Variants in DGKI observed in about 807,000 individuals in gnomAD.
The protein encoded by DGKI is diacylglycerol kinase iota.
Under a neutral mutation model 147.5 loss-of-function variants are expected in DGKI, and 55 were observed. The observed-to-expected ratio is 0.37, with a 90% CI of 0.30 to 0.47. The LOEUF is 0.47. Ranked by LOEUF, DGKI falls within the 20% of genes least tolerant of loss-of-function variation. The pLI is 1.00. For missense variants in DGKI, 1,007 were observed against 1,323.8 expected (o/e 0.76, Z 3.71); for synonymous variants, 469 against 477.1 (o/e 0.98, Z 0.22).
intron 21 of DGKI, among the ~76,000 whole-genome samples, chr7:137,516,056 A>T (rs1260235911): frequency 6.6e-6 from 1 of 152,080 alleles, no homozygotes; most frequent in African/African-American, 2.4e-5. Context: ...CCTCCACCAA[A>T]TGGAGGCCTA....
chr7:137,489,822 G>A (rs754715645), intron 21 of DGKI, among the ~76,000 whole-genome samples: 3 of 152,140 alleles, frequency 2.0e-5, no homozygotes, highest in East Asian at 1.9e-4. Context: ...TTATACATAC[G>A]CAGGAATCCC....
chr7:137,481,356 C>T (rs1175971598), intron 23 of DGKI, among the ~76,000 whole-genome samples: 1 of 152,148 alleles, frequency 6.6e-6, no homozygotes, highest in East Asian at 1.9e-4. Flanking sequence ...AAGTAGGTGG[C>T]CTCAGAAAGG....
At chr7:137,733,790 A>G (rs1445107332) in intron 1 of DGKI, among the ~76,000 whole-genome samples, 2 of 152,020 alleles carry the variant, frequency 1.3e-5, no homozygotes, top group Non-Finnish European at 2.9e-5. Context: ...ATTTTAAGAG[A>G]TTGGTGAAGA....
chr7:137,593,509 G>A (rs776806489), intron 12 of DGKI, among the ~76,000 whole-genome samples: 12 of 152,188 alleles, frequency 7.9e-5, no homozygotes, highest in Non-Finnish European at 1.5e-4. Flanking sequence ...CCATCTGACA[G>A]CTGTAACTAT....
At chr7:137,763,748 C>T (rs1240959832) in intron 1 of DGKI, among the ~76,000 whole-genome samples, 1 of 152,356 alleles carries the variant, frequency 6.6e-6, no homozygotes, top group East Asian at 1.9e-4. Context: ...AGTTTTGACT[C>T]ATGTAGCTCA....
At chr7:137,702,422 C>G (rs938428103) in intron 1 of DGKI, among the ~76,000 whole-genome samples, 5 of 152,126 alleles carry the variant, frequency 3.3e-5, no homozygotes, top group African/African-American at 1.2e-4. Context: ...AGAGCCATAC[C>G]CCTGGAAAGC....
intron 3 of DGKI, among the ~76,000 whole-genome samples, chr7:137,670,971 A>G (rs1489080685): frequency 6.6e-6 from 1 of 152,184 alleles, no homozygotes; most frequent in Non-Finnish European, 1.5e-5. Context: ...AGTCCCCAGT[A>G]ATGCATGTCG....
intron 19 of DGKI, among the ~76,000 whole-genome samples, chr7:137,566,016 T>TA (rs1297685802): frequency 8.3e-6 from 1 of 120,970 alleles, no homozygotes; most frequent in African/African-American, 5.4e-5. Flanking sequence ...GAATTTTCAA[T>TA]TTTTTGGATT....
chr7:137,548,906 A>T (rs1315456168), intron 20 of DGKI, among the ~76,000 whole-genome samples: 1 of 152,224 alleles, frequency 6.6e-6, no homozygotes, highest in Non-Finnish European at 1.5e-5. Flanking sequence ...GGTTGCAGTG[A>T]GCCAAGAGGG....
chr7:137,547,536 T>A (rs1254211036), intron 20 of DGKI, among the ~76,000 whole-genome samples: 8 of 152,092 alleles, frequency 5.3e-5, no homozygotes, highest in Non-Finnish European at 1.2e-4. Flanking sequence ...TTGATATTAG[T>A]TTTATATTCA....
intron 1 of DGKI, among the ~76,000 whole-genome samples, chr7:137,732,573 C>T (rs1294304375): frequency 6.6e-6 from 1 of 152,020 alleles, no homozygotes; most frequent in Non-Finnish European, 1.5e-5. Flanking sequence ...TTCTGATAGA[C>T]ACTGTCTGAA....
intron 6 of DGKI, among the ~76,000 whole-genome samples, chr7:137,638,576 G>A (rs199934117): frequency 6.4e-3 from 321 of 49,916 alleles, no homozygotes; most frequent in Non-Finnish European, 9.3e-3. Flanking sequence ...ACACATATAT[G>A]TATATATACA....
chr7:137,386,928 A>C lies in DGKI; in HGVS notation c.*4292T>G, dbSNP rs982983928. On this transcript the variant is annotated 3_prime_UTR_variant, in exon 33 of 33. Coordinates refer to ENST00000614521, the MANE Select transcript of DGKI (RefSeq NM_001321708.2). The stretch of plus-strand genomic sequence containing the variant: ...TTCCTAAAATGAATATAATTCATTT[A>C]AATAGAACAATTAGTAGTTTTATTT... 6.6e-6 allele frequency: 1 copy of C among 152,202 alleles called. No individual in the cohort carries two copies. Among genetic ancestry groups the C allele is most frequent in the Non-Finnish European group, 1.5e-5 (1 of 68,032 alleles). 9.4% of individuals were successfully genotyped at this position (152,202 alleles called of 1,614,324 possible). A position where few individuals can be genotyped will look rare whatever the true frequency, so the allele number is the denominator to read the frequency against.
chr7:137,808,027 C>CCA (rs1797435911), intron 1 of DGKI, among the ~76,000 whole-genome samples: 1 of 152,220 alleles, frequency 6.6e-6, no homozygotes, highest in South Asian at 2.1e-4. Flanking sequence ...GGCTTACAGA[C>CCA]CACACTTTGT....
chr7:137,507,651 G>T (rs1220772132), intron 21 of DGKI, among the ~76,000 whole-genome samples: 1 of 152,116 alleles, frequency 6.6e-6, no homozygotes, highest in Non-Finnish European at 1.5e-5. Context: ...TTAGCAAACG[G>T]GTTTTAAGGA....
chr7:137,516,582 A>C (rs1402059959), intron 21 of DGKI, among the ~76,000 whole-genome samples: 2 of 152,096 alleles, frequency 1.3e-5, no homozygotes, highest in African/African-American at 4.8e-5. Context: ...CCAGAAAATC[A>C]GGAACGAATT....
At chr7:137,545,895 C>A (rs1450838930) in intron 20 of DGKI, 1 of 702,380 alleles carries the variant, frequency 1.4e-6, no homozygotes, top group Non-Finnish European at 2.6e-6. Flanking sequence ...TGGCACTGTA[C>A]TCACATGGTG....
chr7:137,701,367 A>G (rs1187429983), intron 1 of DGKI, among the ~76,000 whole-genome samples: 2 of 151,666 alleles, frequency 1.3e-5, no homozygotes, highest in Non-Finnish European at 2.9e-5. Flanking sequence ...AAATAAAGTT[A>G]ATAATAATAA....
At chr7:137,766,821 T>C (rs548999215) in intron 1 of DGKI, among the ~76,000 whole-genome samples, 1 of 152,262 alleles carries the variant, frequency 6.6e-6, no homozygotes, top group Non-Finnish European at 1.5e-5. Flanking sequence ...CAATGAGATC[T>C]TTCTGTTTCC....
Sources: gnomAD v4.1 joint callset for allele counts (sites outside exome capture counted in the v4.1 genomes callset) on GRCh38, gnomAD v4.1.1 for gene constraint, MANE v1.5 for transcripts, NCBI Gene and HGNC (gene_info 2026-07-23, HGNC 2026-07-21) for gene names.